Variants in GALNT2 observed in about 807,000 individuals in gnomAD.
GALNT2 encodes UDP-GalNAc:polypeptide N-acetylgalactosaminyltransferase 2.
GALNT2 carries 31 observed loss-of-function variants against 81.4 expected under a neutral mutation model. That is an observed-to-expected ratio of 0.38 (90% CI 0.29 to 0.51). GALNT2 has a LOEUF of 0.51. Among genes scored for constraint, GALNT2 ranks in the 20% least tolerant of loss-of-function variants. GALNT2 has a pLI of 0.87. For synonymous variants in GALNT2, 303 were observed against 287.4 expected, an observed-to-expected ratio of 1.05 and a Z score of -0.55; for missense variants, 629 against 765.7, an observed-to-expected ratio of 0.82 and a Z score of 2.11.
At chr1:230,178,149 G>T in intron 1 of GALNT2, 69 bp from the exon 2 acceptor site, 1 of 1,234,622 alleles carries the variant, frequency 8.1e-7, no homozygotes, top group Non-Finnish European at 1.2e-6. Context: ...GACTCGGTAT[G>T]TATTGAACTG....
chr1:230,063,907 ATATC>A (rs1659106148), upstream of GALNT2, among the ~76,000 whole-genome samples: 1 of 152,174 alleles, frequency 6.6e-6, no homozygotes, highest in Non-Finnish European at 1.5e-5. Flanking sequence ...ATAAATTGTT[ATATC>A]TGATGTGGGT....
rs938667236 is a variant in GALNT2 at position 230,178,284 on chromosome 1, G to T, written c.193G>T (p.Ala65Ser). Residue 65 changes from alanine (A) to serine (S), a missense_variant, in exon 2 of 16, where the codon GCA becomes TCA. This residue lies in a region of GALNT2 where 360 missense variants were observed against 492.8 expected (regional missense o/e 0.73). Coordinates refer to ENST00000366672, the MANE Select transcript of GALNT2 (RefSeq NM_004481.5). ...TCATCACAGCAATGGAGAAGAGAAA[G>T]CACAAAGCATGGAGACCCTCCCTCC... is the stretch of plus-strand genomic sequence containing the variant. Reference protein sequence around the residue: ...DLHHSNGEEKAQSMETLPPGK... With the variant: ...DLHHSNGEEKSQSMETLPPGK... The T allele has an allele frequency of 1.2e-6, 2 of 1,613,950 alleles. No homozygotes were observed. Among genetic ancestry groups the T allele is most frequent in the African/African-American group, 2.7e-5 (2 of 74,938 alleles).
At chr1:230,203,987 G>C (rs1663985009) in intron 3 of GALNT2, among the ~76,000 whole-genome samples, 1 of 152,084 alleles carries the variant, frequency 6.6e-6, no homozygotes, top group Non-Finnish European at 1.5e-5. Flanking sequence ...ACTACATCCA[G>C]ATAATATTTA....
intron 3 of GALNT2, among the ~76,000 whole-genome samples, chr1:230,214,115 C>CTTTTTTTTTTT (rs60360198): frequency 6.9e-6 from 1 of 145,224 alleles, no homozygotes; most frequent in Non-Finnish European, 1.5e-5. Flanking sequence ...CTTAACTTTA[C>CTTTTTTTTTTT]TTTTTTTTTT....
At chr1:230,217,361 G>A (rs1664421846) in intron 3 of GALNT2, among the ~76,000 whole-genome samples, 1 of 152,188 alleles carries the variant, frequency 6.6e-6, no homozygotes, top group Non-Finnish European at 1.5e-5. Context: ...CTCATCAGGG[G>A]AGGTGGCAAG....
upstream of GALNT2, among the ~76,000 whole-genome samples, chr1:230,064,942 C>G (rs1659136579): frequency 6.6e-6 from 1 of 152,206 alleles, no homozygotes; most frequent in South Asian, 2.1e-4. Context: ...CCTTTAAAAT[C>G]TAATCGTTTT....
chr1:230,113,764 C>A (rs1319075825), intron 1 of GALNT2, among the ~76,000 whole-genome samples: 1 of 152,100 alleles, frequency 6.6e-6, no homozygotes, highest in Non-Finnish European at 1.5e-5. Context: ...TGCACCTGAT[C>A]AGATAAAAGA....
chr1:230,167,441 C>G (rs967864803), intron 1 of GALNT2, among the ~76,000 whole-genome samples: 3 of 152,192 alleles, frequency 2.0e-5, no homozygotes, highest in African/African-American at 7.2e-5. Flanking sequence ...GCCACCACTC[C>G]CAGCATGGAG....
At chr1:230,057,828 G>A (rs1041086806), upstream of GALNT2, among the ~76,000 whole-genome samples, 1 of 152,168 alleles carries the variant, frequency 6.6e-6, no homozygotes, top group Non-Finnish European at 1.5e-5. Flanking sequence ...GCTGCGGGGC[G>A]TCTTGAGAAG....
At chr1:230,196,555 G>A (rs556625395) in intron 2 of GALNT2, among the ~76,000 whole-genome samples, 5 of 152,280 alleles carry the variant, frequency 3.3e-5, no homozygotes, top group African/African-American at 9.6e-5. Flanking sequence ...AGTGCGAGAC[G>A]TCCCTTTAGT....
At chr1:230,250,814 T>C (rs1280136339) in intron 10 of GALNT2, among the ~76,000 whole-genome samples, 1 of 152,126 alleles carries the variant, frequency 6.6e-6, no homozygotes, top group East Asian at 1.9e-4. Context: ...GCAAACTCTT[T>C]CAAGGCGTCT....
At chr1:230,147,352 A>C (rs1307898551) in intron 1 of GALNT2, among the ~76,000 whole-genome samples, 4 of 152,196 alleles carry the variant, frequency 2.6e-5, no homozygotes, top group Non-Finnish European at 5.9e-5. Context: ...ATTGTGTTCA[A>C]ACCTTCTAGC....
chr1:230,220,924 A>G (rs1389421060), intron 3 of GALNT2, among the ~76,000 whole-genome samples: 6 of 152,228 alleles, frequency 3.9e-5, no homozygotes, highest in Admixed American at 6.5e-5. Flanking sequence ...AGCTTGTATC[A>G]TGAACTCCCC....
chr1:230,132,269 A>C (rs1661393302), intron 1 of GALNT2, among the ~76,000 whole-genome samples: 1 of 152,222 alleles, frequency 6.6e-6, no homozygotes, highest in African/African-American at 2.4e-5. Flanking sequence ...CACTGCCCCG[A>C]AATAGATAGG....
chr1:230,255,589 A>AT (rs1665687373), intron 11 of GALNT2, among the ~76,000 whole-genome samples: 1 of 152,226 alleles, frequency 6.6e-6, no homozygotes, highest in Non-Finnish European at 1.5e-5. Flanking sequence ...TCACAGCCTC[A>AT]TAAAAACACA....
chr1:230,205,425 T>TA (rs1197029716), intron 3 of GALNT2, among the ~76,000 whole-genome samples: 1 of 152,182 alleles, frequency 6.6e-6, no homozygotes, highest in Non-Finnish European at 1.5e-5. Context: ...ATACATATCT[T>TA]ATATAATAGT....
In GALNT2 at chr1:230,279,527, A is replaced by G; in HGVS notation, c.*69A>G. 1 of 1,541,924 alleles carries G rather than the reference A, an allele frequency of 6.5e-7. No homozygotes were observed. The highest frequency in any genetic ancestry group is 2.3e-5 in the East Asian group (1 of 44,082). On this transcript the variant is annotated 3_prime_UTR_variant, in exon 16 of 16. Coordinates refer to ENST00000366672, the MANE Select transcript of GALNT2 (RefSeq NM_004481.5). This position sits in a 1 kb window ranked among gnomAD's most constrained non-coding sequence, Gnocchi z 4.6. The stretch of plus-strand genomic sequence containing the variant: ...GTGGAGTCTGGTGATCACATTATTG[A>G]TTATGTTTCTTAAACTTTCCGCGAA...
intron 3 of GALNT2, among the ~76,000 whole-genome samples, chr1:230,221,069 A>T (rs576930108): frequency 6.6e-6 from 1 of 152,344 alleles, no homozygotes; most frequent in East Asian, 1.9e-4. Context: ...TCTCTGGTGA[A>T]CATCCTTCCT....
In GALNT2 at chr1:230,155,489, G is replaced by T. The variant is rs572567771; in HGVS notation, c.127-22729G>T. Among the ~76,000 whole-genome samples the T allele has an allele frequency of 3.3e-5, 5 of 152,300 alleles. No homozygotes were observed. In the East Asian group the frequency reaches 9.7e-4, roughly 29 times the overall value. The stretch of plus-strand genomic sequence containing the variant: ...TTTTAAAAACTGCCTTATTCAGAGA[G>T]GGTCAAGATAAAGAAATTTTAGCTT... On this transcript the variant is annotated intron_variant, in intron 1 of 15. Coordinates refer to ENST00000366672, the MANE Select transcript of GALNT2 (RefSeq NM_004481.5).
Sources: gnomAD v4.1 joint callset for allele counts (sites outside exome capture counted in the v4.1 genomes callset) on GRCh38, gnomAD v4.1.1 for gene constraint, gnomAD v4.1.1 regional missense constraint, Gnocchi (gnomAD v3.1) non-coding constraint, MANE v1.5 for transcripts, NCBI Gene and HGNC (gene_info 2026-07-23, HGNC 2026-07-21) for gene names.